The following GAL3ST2 variants were observed in gnomAD, a reference collection of about 807,000 sequenced individuals.
GAL3ST2 encodes beta-galactose-3-O-sulfotransferase 2.
Under a neutral mutation model 12.9 loss-of-function variants are expected in GAL3ST2, and 16 were observed. The observed-to-expected ratio is 1.24, with a 90% CI of 0.84 to 1.88. The LOEUF is 1.88. Ranked by LOEUF, GAL3ST2 falls within the 40% of genes most tolerant of loss-of-function variation. GAL3ST2 has a pLI of 0.00. For missense variants in GAL3ST2, 639 were observed against 571.8 expected (o/e 1.12, Z -1.20); for synonymous variants, 302 against 273.9 (o/e 1.10, Z -1.01).
chr2:241,788,469 T>C (rs1699653817), intron 1 of GAL3ST2, among the ~76,000 whole-genome samples: 1 of 152,214 alleles, frequency 6.6e-6, no homozygotes, highest in Non-Finnish European at 1.5e-5. Context: ...AGGGTCTTCT[T>C]TATTGCTTTT....
chr2:241,799,197 T>A, intron 2 of GAL3ST2, 43 bp downstream of exon 2: 1 of 1,536,598 alleles, frequency 6.5e-7, no homozygotes, highest in South Asian at 1.1e-5. Flanking sequence ...GGGTACCTCC[T>A]AACAGCCCCG....
At chr2:241,781,692 A>T (rs1189781037) in intron 1 of GAL3ST2, among the ~76,000 whole-genome samples, 1 of 152,258 alleles carries the variant, frequency 6.6e-6, no homozygotes, top group Non-Finnish European at 1.5e-5. Flanking sequence ...CAGCCTAAAG[A>T]AAACCAAATA....
At position 241,793,516 on chromosome 2, in the gene GAL3ST2, ATGTG is replaced by A. The variant is rs934512113; in HGVS notation, c.30-5545_30-5542del. Among the ~76,000 whole-genome samples, 1 of 148,926 alleles carries A rather than the reference ATGTG, an allele frequency of 6.7e-6. No individual in the cohort carries two copies. ...ATATTGTGTATGTGTGTGTATATGT[ATGTG>A]TGTATTGTGTTTATATGTATGTGTG... On this transcript the variant is annotated intron_variant, in intron 1 of 3. Transcript: ENST00000192314. The surrounding 1 kb of genome is among the most constrained non-coding windows in gnomAD (Gnocchi z 4.7).
Position 241,776,849 on chromosome 2 carries a change from G to A in GAL3ST2, c.-107G>A. ...TTCACCTGCCCCACAGCCGCACCCTGCCTGTGCCTGCACCCTGGGGAGCCC... is the reference window on the plus strand; with the variant it reads ...TTCACCTGCCCCACAGCCGCACCCTACCTGTGCCTGCACCCTGGGGAGCCC... On this transcript the variant is annotated 5_prime_UTR_variant, in exon 1 of 4. Coordinates refer to ENST00000192314, the MANE Select transcript of GAL3ST2 (RefSeq NM_022134.3). The A allele has an allele frequency of 6.1e-6, 6 of 981,328 alleles. No homozygotes were observed. Among genetic ancestry groups the A allele is most frequent in the Non-Finnish European group, 8.3e-6 (6 of 724,348 alleles). The allele number at this position is 981,328 out of a possible 1,614,324, so 60.8% of individuals were successfully genotyped here. A position where few individuals can be genotyped will look rare whatever the true frequency, so the allele number is the denominator to read the frequency against.
Position 241,803,895 on chromosome 2 carries a change from G to T in GAL3ST2, c.926G>T (p.Arg309Leu). ...CGGCGGCTGCGCGGGGAGGTGGAGCGGCTGCGCGCCCGGAGGCGCGAACTC... is the reference window on the plus strand; with the variant it reads ...CGGCGGCTGCGCGGGGAGGTGGAGCTGCTGCGCGCCCGGAGGCGCGAACTC... ...GPRRLRGEVE[R>L]LRARRRELAS... Residue 309 changes from arginine (R) to leucine (L), a missense_variant, in exon 4 of 4, where the codon CGG (arginine) becomes CTG (leucine). By Grantham distance (102) the Arg-to-Leu change is moderately radical. Coordinates refer to ENST00000192314, the MANE Select transcript of GAL3ST2 (RefSeq NM_022134.3). The T allele has an allele frequency of 7.1e-7, 1 of 1,416,006 alleles. No homozygotes were observed. The highest frequency in any genetic ancestry group is 3.0e-5 in the East Asian group (1 of 33,566). 87.7% of individuals were successfully genotyped at this position (1,416,006 alleles called of 1,614,324 possible).
At chr2:241,788,610 C>T (rs568072464) in intron 1 of GAL3ST2, among the ~76,000 whole-genome samples, 3 of 152,186 alleles carry the variant, frequency 2.0e-5, no homozygotes, top group Non-Finnish European at 4.4e-5. Flanking sequence ...CTGCTTCTCC[C>T]AGCCAAAGGT....
At position 241,798,452 on chromosome 2, in the gene GAL3ST2, A is replaced by G. The variant is rs550570727; in HGVS notation, c.30-613A>G. On this transcript the variant is annotated intron_variant, in intron 1 of 3. Coordinates refer to ENST00000192314, the MANE Select transcript of GAL3ST2 (RefSeq NM_022134.3). ...TGCCACTTTCTCTCTGTGCCCCTAT[A>G]TGGGGAGCGAGGGTGGGGAGTGGAA... Among the ~76,000 whole-genome samples, 4 of 152,068 alleles carry G rather than the reference A, an allele frequency of 2.6e-5. No individual in the cohort carries two copies. In the South Asian group the frequency reaches 8.3e-4, roughly 32 times the overall value.
Position 241,802,746 on chromosome 2 carries a change from G to A in GAL3ST2, c.376-599G>A, listed in dbSNP as rs1226136933. Among the ~76,000 whole-genome samples, 1 of 152,130 alleles carries A rather than the reference G, an allele frequency of 6.6e-6. No individual in the cohort carries two copies. Among genetic ancestry groups the A allele is most frequent in the Admixed American group, 6.5e-5 (1 of 15,274 alleles). ...TTCTGAGGATGGAGAAGCAGGCGGTGTAGTTGGGCGTGACTTTCTGCAAGA... is the reference window on the plus strand; with the variant it reads ...TTCTGAGGATGGAGAAGCAGGCGGTATAGTTGGGCGTGACTTTCTGCAAGA... On this transcript the variant is annotated intron_variant, in intron 3 of 3. Coordinates refer to ENST00000192314, the MANE Select transcript of GAL3ST2 (RefSeq NM_022134.3). The surrounding 1 kb of genome is among the most constrained non-coding windows in gnomAD (Gnocchi z 4.8).
chr2:241,803,421 T>C lies in GAL3ST2; in HGVS notation c.452T>C (p.Phe151Ser). The C allele has an allele frequency of 1.1e-5, 18 of 1,612,730 alleles. No individual in the cohort carries two copies. Among genetic ancestry groups the C allele is most frequent in the Non-Finnish European group, 1.4e-5 (17 of 1,179,670 alleles). ...RNPVFQLESSFIYYKTYAPAF... is the reference protein window; with the variant it reads ...RNPVFQLESSSIYYKTYAPAF... Reference sequence around the variant, plus strand: ...CCCGTGTTCCAGCTGGAGTCCTCCTTCATCTACTACAAAACCTACGCCCCC... The same window carrying C: ...CCCGTGTTCCAGCTGGAGTCCTCCTCCATCTACTACAAAACCTACGCCCCC... Residue 151 changes from phenylalanine (F) to serine (S), a missense_variant, in exon 4 of 4, where the codon TTC (phenylalanine) becomes TCC (serine). Phe to Ser is a radical substitution (Grantham distance 155, BLOSUM62 -2). Coordinates refer to ENST00000192314, the MANE Select transcript of GAL3ST2 (RefSeq NM_022134.3).
chr2:241,786,456 C>T (rs1273466896), intron 1 of GAL3ST2, among the ~76,000 whole-genome samples: 1 of 152,086 alleles, frequency 6.6e-6, no homozygotes, highest in Non-Finnish European at 1.5e-5. Flanking sequence ...AGGGATGGGT[C>T]TCAGGCTGAT....
At position 241,795,818 on chromosome 2, in the gene GAL3ST2, G is replaced by A. The variant is rs542697219; in HGVS notation, c.30-3247G>A. 2.9e-4 allele frequency among the ~76,000 whole-genome samples: 44 copies of A among 152,340 alleles called. No individual in the cohort carries two copies. Among genetic ancestry groups the A allele is most frequent in the Middle Eastern group, 3.4e-3 (1 of 294 alleles). On this transcript the variant is annotated intron_variant, in intron 1 of 3. Transcript: ENST00000192314. The surrounding 1 kb of genome is among the most constrained non-coding windows in gnomAD (Gnocchi z 4.5). ...GGGCGCATGGCCCTCTCTGCTCTGC[G>A]GCCCCTCTCGCTCTCCTCTCTGTGC...
intron 1 of GAL3ST2, among the ~76,000 whole-genome samples, chr2:241,777,760 ATCCTAGATGCCCCC>A (rs1559411101): frequency 6.6e-6 from 1 of 152,116 alleles, no homozygotes; most frequent in African/African-American, 2.4e-5. Context: ...GGCCTGGACC[ATCCTAGATGCCCCC>A]TCCTGTGGAC....
chr2:241,803,675 C>T lies in GAL3ST2; in HGVS notation c.706C>T (p.Leu236=). The part of the protein sequence containing the change: ...IAEHLDESLV[L]LRRRLRWALD... ...CGAGCACCTGGACGAGTCCCTGGTG[C>T]TGCTGCGGCGCCGGCTGCGCTGGGC... Residue 236 remains leucine (L), a synonymous_variant, in exon 4 of 4, where the codon CTG becomes TTG. Coordinates refer to ENST00000192314, the MANE Select transcript of GAL3ST2 (RefSeq NM_022134.3). 1.3e-6 allele frequency: 2 copies of T among 1,547,342 alleles called. No individual in the cohort carries two copies. Among genetic ancestry groups the T allele is most frequent in the East Asian group, 2.5e-5 (1 of 40,744 alleles).
chr2:241,786,170 T>TGTGTGTGTGTGTG (rs57805373), intron 1 of GAL3ST2, among the ~76,000 whole-genome samples: 3 of 148,454 alleles, frequency 2.0e-5, no homozygotes, highest in South Asian at 4.3e-4. Context: ...TGTGTGTGTG[T>TGTGTGTGTGTGTG]TGGGGGGGAT....
intron 3 of GAL3ST2, 89 bp from the exon 4 acceptor site, chr2:241,803,256 G>A (rs1167108268): frequency 8.8e-6 from 9 of 1,026,994 alleles, no homozygotes; most frequent in South Asian, 1.7e-5. Context: ...CTCCTTGAGC[G>A]GGTGTGGCCA....
In GAL3ST2 at chr2:241,776,904, C is replaced by T; in HGVS notation, c.-52C>T. ...CCGGCAGGGGCCGAGGCGGTGGGAC[C>T]TCGGGGGAGCTCAAGCCTCGACTGT... On this transcript the variant is annotated 5_prime_UTR_variant, in exon 1 of 4. Transcript: ENST00000192314. The T allele has an allele frequency of 4.2e-6, 6 of 1,430,852 alleles. No individual in the cohort carries two copies. Among genetic ancestry groups the T allele is most frequent in the South Asian group, 3.1e-5 (2 of 64,250 alleles). The allele number at this position is 1,430,852 out of a possible 1,614,324, so 88.6% of individuals were successfully genotyped here.
chr2:241,785,869 C>T (rs1413220881), intron 1 of GAL3ST2, among the ~76,000 whole-genome samples: 1 of 152,130 alleles, frequency 6.6e-6, no homozygotes, highest in East Asian at 1.9e-4. Context: ...CACACACACA[C>T]ACACACACAT....
intron 1 of GAL3ST2, among the ~76,000 whole-genome samples, chr2:241,778,864 G>T (rs972051068): frequency 6.6e-6 from 1 of 152,156 alleles, no homozygotes; most frequent in Non-Finnish European, 1.5e-5. Context: ...CCAGGTCACA[G>T]GCAGGTAAGA....
Position 241,804,130 on chromosome 2 carries a change from G to A in GAL3ST2, c.1161G>A (p.Glu387=). Reference sequence around the variant, plus strand: ...GCCTGTACGCCCTGCAGTTCCCGGAGAAGCCCCTCAAGAACATCCCGTTCC... The same window carrying A: ...GCCTGTACGCCCTGCAGTTCCCGGAAAAGCCCCTCAAGAACATCCCGTTCC... ...MARLYALQFP[E]KPLKNIPFLG... is the part of the protein sequence containing the mutation. The change falls in exon 4 of 4, where the codon GAG becomes GAA. Residue 387 remains glutamate (E), a synonymous_variant. Transcript: ENST00000192314. 1 of 1,487,366 alleles carries A rather than the reference G, an allele frequency of 6.7e-7. No homozygotes were observed. The highest frequency in any genetic ancestry group is 9.0e-7 in the Non-Finnish European group (1 of 1,116,236). The allele number at this position is 1,487,366 out of a possible 1,614,324, so 92.1% of individuals were successfully genotyped here. A position where few individuals can be genotyped will look rare whatever the true frequency, so the allele number is the denominator to read the frequency against.
Sources: gnomAD v4.1 joint callset for allele counts (sites outside exome capture counted in the v4.1 genomes callset) on GRCh38, gnomAD v4.1.1 for gene constraint, Gnocchi (gnomAD v3.1) non-coding constraint, MANE v1.5 for transcripts, NCBI Gene and HGNC (gene_info 2026-07-23, HGNC 2026-07-21) for gene names.